PPIH: variants seen among roughly 807,000 people sequenced by gnomAD.
PPIH encodes the protein peptidylprolyl isomerase H.
In PPIH, 16 loss-of-function variants were observed where a neutral mutation model predicts 27.6. That is an observed-to-expected ratio of 0.58 (90% CI 0.39 to 0.88). The LOEUF (loss-of-function observed/expected upper bound fraction) is 0.88, where lower values mean the gene tolerates loss of function less well. Among genes scored for constraint, PPIH ranks in the 40% least tolerant of loss-of-function variants. The pLI, the probability that PPIH is intolerant of heterozygous loss-of-function variation, is 0.00. For synonymous variants in PPIH, 63 were observed against 76.1 expected (o/e 0.83, Z 0.90); for missense variants, 155 against 224.1 (o/e 0.69, Z 1.97).
chr1:42,662,047 C>T (rs1262774805), intron 5 of PPIH, among the ~76,000 whole-genome samples: 4 of 152,116 alleles, frequency 2.6e-5, no homozygotes, highest in East Asian at 3.9e-4. Flanking sequence ...TTTGCAGCCC[C>T]GGGAAACAGA....
downstream of PPIH, chr1:42,678,969 G>A (rs371052734): frequency 6.6e-6 from 1 of 152,220 alleles, no homozygotes; most frequent in Non-Finnish European, 1.5e-5. Context: ...TTAGAGATGG[G>A]GGGACAAGGT....
intron 9 of PPIH, among the ~76,000 whole-genome samples, chr1:42,674,857 C>G (rs1410353600): frequency 1.3e-5 from 2 of 152,216 alleles, no homozygotes; most frequent in Non-Finnish European, 2.9e-5. Context: ...GAAGCTCTGC[C>G]AGCTGAAAAG....
At chr1:42,677,891 T>C (rs959684020), downstream of PPIH, among the ~76,000 whole-genome samples, 5 of 152,240 alleles carry the variant, frequency 3.3e-5, no homozygotes, top group African/African-American at 1.2e-4. Context: ...TTTGCTCTCA[T>C]TCTTATTTGC....
In PPIH at chr1:42,675,289, A is replaced by C. The variant is rs186854525; in HGVS notation, c.*22-1295A>C. 6 of 152,304 alleles carry C rather than the reference A, an allele frequency of 3.9e-5. No homozygotes were observed. In the East Asian group the frequency reaches 1.2e-3, roughly 29 times the overall value. 9.4% of individuals were successfully genotyped at this position (152,304 alleles called of 1,614,324 possible). ...TTAACTAATCCTAAATCCTCCCAGC[A>C]CTTCCCAGGAGCCTGCCCACAGCTG... On this transcript the variant is annotated intron_variant, in intron 9 of 9. Coordinates refer to ENST00000304979, the MANE Select transcript of PPIH (RefSeq NM_006347.4).
chr1:42,659,486 T>C, intron 3 of PPIH, 36 bp from the exon 4 acceptor site: 1 of 1,614,220 alleles, frequency 6.2e-7, no homozygotes, highest in Non-Finnish European at 8.5e-7. Flanking sequence ...TTGTGCTACC[T>C]GCTGTCACTC....
chr1:42,674,985 C>A (rs1393928136), intron 9 of PPIH, among the ~76,000 whole-genome samples: 1 of 152,194 alleles, frequency 6.6e-6, no homozygotes, highest in Non-Finnish European at 1.5e-5. Flanking sequence ...CAGTGGAATA[C>A]TATACAGCCT....
downstream of PPIH, among the ~76,000 whole-genome samples, chr1:42,679,410 G>A (rs935776969): frequency 4.6e-5 from 7 of 152,102 alleles, no homozygotes; most frequent in Non-Finnish European, 1.0e-4. Context: ...GGCTGGTCTC[G>A]AACTCCTGAC....
At chr1:42,669,568 C>A (rs753371855) in intron 9 of PPIH, among the ~76,000 whole-genome samples, 1 of 152,090 alleles carries the variant, frequency 6.6e-6, no homozygotes, top group Non-Finnish European at 1.5e-5. Context: ...GGATTACAGG[C>A]GTGAGCCACT....
chr1:42,672,814 T>A (rs1649709724), intron 9 of PPIH, among the ~76,000 whole-genome samples: 1 of 151,740 alleles, frequency 6.6e-6, no homozygotes, highest in African/African-American at 2.4e-5. Context: ...GTCTGGCTAA[T>A]TTTTTTGTAT....
At chr1:42,661,957 G>A (rs1649047888) in intron 5 of PPIH, among the ~76,000 whole-genome samples, 1 of 152,070 alleles carries the variant, frequency 6.6e-6, no homozygotes, top group Non-Finnish European at 1.5e-5. Flanking sequence ...TGGTCCCTTT[G>A]GACATGGCAT....
At position 42,665,972 on chromosome 1, in the gene PPIH, T is replaced by G. The variant is rs770602248; in HGVS notation, c.337-8T>G. On this transcript the variant is annotated splice_polypyrimidine_tract_variant and splice_region_variant and intron_variant, in intron 6 of 9. Transcript: ENST00000304979. Reference sequence around the variant, plus strand: ...AAACTTACTGCAGGTATATTTGGTTTCCATCAGGCGAACAGTGGTCCAAGT... The same window carrying G: ...AAACTTACTGCAGGTATATTTGGTTGCCATCAGGCGAACAGTGGTCCAAGT... 3 of 1,613,618 alleles carry G rather than the reference T, an allele frequency of 1.9e-6. No homozygotes were observed. In the Admixed American group the frequency reaches 5.0e-5, roughly 27 times the overall value.
intron 9 of PPIH, among the ~76,000 whole-genome samples, chr1:42,671,148 G>A (rs1649612415): frequency 6.6e-6 from 1 of 151,928 alleles, no homozygotes; most frequent in Non-Finnish European, 1.5e-5. Context: ...TTTAAATTAG[G>A]CTGGATGTGG....
chr1:42,665,180 G>C (rs1649260628), intron 6 of PPIH, among the ~76,000 whole-genome samples: 1 of 152,090 alleles, frequency 6.6e-6, no homozygotes, highest in Admixed American at 6.5e-5. Flanking sequence ...GAGGCAGGTG[G>C]ATAACCTGAG....
chr1:42,665,666 G>A (rs1000178335), intron 6 of PPIH, among the ~76,000 whole-genome samples: 6 of 151,570 alleles, frequency 4.0e-5, no homozygotes, highest in Non-Finnish European at 5.9e-5. Flanking sequence ...GCAACATAGT[G>A]AGACTTAGTC....
chr1:42,669,825 G>A (rs984726432), intron 9 of PPIH, among the ~76,000 whole-genome samples: 1 of 151,984 alleles, frequency 6.6e-6, no homozygotes, highest in Non-Finnish European at 1.5e-5. Context: ...CTTTTTATAT[G>A]GTGGAGCTAA....
intron 6 of PPIH, among the ~76,000 whole-genome samples, chr1:42,665,163 G>A (rs558977972): frequency 1.7e-4 from 26 of 152,278 alleles, no homozygotes; most frequent in African/African-American, 6.0e-4. Flanking sequence ...CAGCACTTTG[G>A]GAGGCTGAGG....
chr1:42,673,760 A>C (rs973968588), intron 9 of PPIH, among the ~76,000 whole-genome samples: 2 of 152,240 alleles, frequency 1.3e-5, no homozygotes, highest in African/African-American at 4.8e-5. Flanking sequence ...AGGAAAAAAT[A>C]CGGAATTAGC....
At chr1:42,667,132 C>G (rs939676798) in intron 8 of PPIH, among the ~76,000 whole-genome samples, 2 of 152,214 alleles carry the variant, frequency 1.3e-5, no homozygotes, top group South Asian at 2.1e-4. Flanking sequence ...ATCCAATTCT[C>G]TCTTATAACT....
In PPIH at chr1:42,663,459, C is replaced by T. The variant is rs145471196; in HGVS notation, c.244-1404C>T. 3.4e-4 allele frequency among the ~76,000 whole-genome samples: 51 copies of T among 151,800 alleles called. 1 individual carries two copies. Among genetic ancestry groups the T allele is most frequent in the African/African-American group, 1.1e-3 (46 of 41,338 alleles). On this transcript the variant is annotated intron_variant, in intron 5 of 9. Transcript: ENST00000304979. ...TCGCCCAGGCTGGGGTGCAGTGGTG[C>T]GATCTTGGCTTACTGCAACCTCCAC...
Sources: allele counts gnomAD v4.1 joint callset (sites outside exome capture counted in the v4.1 genomes callset), GRCh38; gene constraint gnomAD v4.1.1; transcripts MANE v1.5; gene names NCBI Gene and HGNC (gene_info 2026-07-23, HGNC 2026-07-21).